The following ZRANB3 variants were observed in gnomAD, a reference collection of about 807,000 sequenced individuals.
ZRANB3 encodes the protein zinc finger RANBP2-type containing 3, also known as DNA annealing helicase and endonuclease ZRANB3.
ZRANB3 carries 125 observed loss-of-function variants against 133.8 expected under a neutral mutation model. The ratio of observed to expected loss-of-function variants is 0.93; its 90% CI spans 0.81 to 1.08. The LOEUF (loss-of-function observed/expected upper bound fraction) is 1.08, where lower values mean the gene tolerates loss of function less well. Among genes scored for constraint, ZRANB3 ranks in the 50% least tolerant of loss-of-function variants. The pLI, the probability that ZRANB3 is intolerant of heterozygous loss-of-function variation, is 0.00. For synonymous variants in ZRANB3, 387 were observed against 432.7 expected (o/e 0.89, Z 1.31); for missense variants, 1,229 against 1,275.5 (o/e 0.96, Z 0.56).
intron 1 of ZRANB3, 114 bp from the exon 2 acceptor site, chr2:135,504,610 C>A: frequency 1.1e-6 from 1 of 944,280 alleles, no homozygotes; most frequent in South Asian, 2.1e-5. Context: ...CTTTGACATA[C>A]CATTTATATA....
chr2:135,258,451 C>G (rs906485220), intron 12 of ZRANB3, among the ~76,000 whole-genome samples: 1 of 152,126 alleles, frequency 6.6e-6, no homozygotes, highest in African/African-American at 2.4e-5. Flanking sequence ...ATCTGTGAAG[C>G]GCAAAGCCTG....
At chr2:135,513,948 ATG>A in intron 1 of ZRANB3, among the ~76,000 whole-genome samples, 1 of 152,056 alleles carries the variant, frequency 6.6e-6, no homozygotes, top group East Asian at 1.9e-4. Flanking sequence ...ATGGTTGTAG[ATG>A]TGTAGTGTTA....
intron 5 of ZRANB3, among the ~76,000 whole-genome samples, chr2:135,348,974 T>C (rs775861646): frequency 1.5e-4 from 23 of 152,288 alleles, no homozygotes; most frequent in Non-Finnish European, 2.9e-4. Flanking sequence ...ACCCCTATTA[T>C]TCATTGACAT....
chr2:135,268,368 T>C (rs1471727663), intron 11 of ZRANB3, among the ~76,000 whole-genome samples: 1 of 152,084 alleles, frequency 6.6e-6, no homozygotes, highest in Non-Finnish European at 1.5e-5. Context: ...GGGTTCACCA[T>C]GTTGGCCAGG....
At chr2:135,325,690 C>T (rs370054402) in intron 6 of ZRANB3, among the ~76,000 whole-genome samples, 4 of 152,126 alleles carry the variant, frequency 2.6e-5, no homozygotes, top group Non-Finnish European at 4.4e-5. Flanking sequence ...CCACCGCACC[C>T]GGCCATGAGG....
intron 18 of ZRANB3, 115 bp from the exon 19 acceptor site, chr2:135,207,951 C>T (rs554694094): frequency 1.7e-5 from 18 of 1,031,074 alleles, no homozygotes; most frequent in Admixed American, 2.9e-5. Context: ...ACACAGATCA[C>T]AGTGTAGAAA....
At chr2:135,314,605 C>T (rs1286927987) in intron 7 of ZRANB3, among the ~76,000 whole-genome samples, 1 of 152,128 alleles carries the variant, frequency 6.6e-6, no homozygotes, top group African/African-American at 2.4e-5. Flanking sequence ...CGTCTTACAA[C>T]ATGGTCACAG....
rs558007855 is a variant in ZRANB3 at position 135,384,821 on chromosome 2, T to C, written c.180+5981A>G. Among the ~76,000 whole-genome samples, 12 of 152,212 alleles carry C rather than the reference T, an allele frequency of 7.9e-5. No individual in the cohort carries two copies. The East Asian group carries it at 2.3e-3, about 29-fold the overall frequency. On this transcript the variant is annotated intron_variant, in intron 3 of 20. Coordinates refer to ENST00000264159, the MANE Select transcript of ZRANB3 (RefSeq NM_032143.4). ...CTTCATGCTAAAAACTCTCAATAAA[T>C]TGGGTATTGATGGGATGTATCTCAA...
chr2:135,230,227 T>C (rs572278756), intron 13 of ZRANB3, among the ~76,000 whole-genome samples: 2 of 152,356 alleles, frequency 1.3e-5, no homozygotes, highest in South Asian at 4.1e-4. Flanking sequence ...CTATTCCTGC[T>C]CACTGAATTC....
intron 15 of ZRANB3, among the ~76,000 whole-genome samples, chr2:135,219,611 T>C (rs1008664963): frequency 1.3e-5 from 2 of 152,218 alleles, no homozygotes; most frequent in African/African-American, 4.8e-5. Flanking sequence ...TCACTGACAA[T>C]ACAAGTATCA....
chr2:135,310,680 AT>A (rs1285424849), intron 8 of ZRANB3, among the ~76,000 whole-genome samples: 1 of 148,580 alleles, frequency 6.7e-6, no homozygotes, highest in Non-Finnish European at 1.5e-5. Context: ...TTATATATAT[AT>A]TTTTCATATG....
intron 11 of ZRANB3, among the ~76,000 whole-genome samples, chr2:135,266,458 T>C (rs1336356230): frequency 1.3e-5 from 2 of 151,728 alleles, no homozygotes; most frequent in African/African-American, 4.8e-5. Context: ...AACTAAGGAG[T>C]CTGGCACCTT....
chr2:135,230,736 T>A lies in ZRANB3; in HGVS notation c.1731A>T (p.Arg577Ser). 1 of 1,613,540 alleles carries A rather than the reference T, an allele frequency of 6.2e-7. No individual in the cohort carries two copies. Among genetic ancestry groups the A allele is most frequent in the Non-Finnish European group, 8.5e-7 (1 of 1,179,756 alleles). ...GGTCTTCCGAGGCAGCCAATTTCAA[T>A]CTTTTCGTTTCAGGTTCAACATCAC... ...YESDVEPETK[R>S]LKLAASEDHC... Residue 577 changes from arginine to serine, a missense_variant, in exon 13 of 21, where the codon AGA becomes AGT. By Grantham distance (110) the Arg-to-Ser change is moderately radical. Transcript: ENST00000264159.
In ZRANB3 at chr2:135,499,327, C is replaced by A. The variant is rs115585741; in HGVS notation, c.161+5002G>T. Reference sequence around the variant, plus strand: ...AGAAGTGCCAGCCATAGAATGAATGCGGATAAAGATTATGTAAGATGACAT... The same window carrying A: ...AGAAGTGCCAGCCATAGAATGAATGAGGATAAAGATTATGTAAGATGACAT... On this transcript the variant is annotated intron_variant, in intron 2 of 20. Coordinates refer to ENST00000264159, the MANE Select transcript of ZRANB3 (RefSeq NM_032143.4). Among the ~76,000 whole-genome samples the A allele has an allele frequency of 3.9e-5, 6 of 152,142 alleles. No individual in the cohort carries two copies. The South Asian group carries it at 1.2e-3, about 32-fold the overall frequency.
intron 2 of ZRANB3, among the ~76,000 whole-genome samples, chr2:135,425,836 C>A (rs1341247308): frequency 6.6e-6 from 1 of 151,002 alleles, no homozygotes; most frequent in Non-Finnish European, 1.5e-5. Flanking sequence ...CAAGAAATAA[C>A]CAAAGTCAGA....
chr2:135,234,068 G>A (rs375673961), intron 12 of ZRANB3, among the ~76,000 whole-genome samples: 17 of 152,106 alleles, frequency 1.1e-4, no homozygotes, highest in South Asian at 4.2e-4. Context: ...GCAGAGACAC[G>A]CATAGGCTCA....
At chr2:135,356,625 C>T (rs2104880787) in intron 3 of ZRANB3, among the ~76,000 whole-genome samples, 1 of 152,270 alleles carries the variant, frequency 6.6e-6, no homozygotes, top group Non-Finnish European at 1.5e-5. Context: ...CTAGAATTAA[C>T]TCCAGATGTT....
intron 1 of ZRANB3, among the ~76,000 whole-genome samples, chr2:135,528,077 TAGAC>T (rs1280646720): frequency 1.3e-5 from 2 of 151,980 alleles, no homozygotes; most frequent in Non-Finnish European, 2.9e-5. Context: ...GTTCAGGAAT[TAGAC>T]AGGCCTGGAT....
intron 2 of ZRANB3, among the ~76,000 whole-genome samples, chr2:135,406,426 T>C (rs1361976940): frequency 6.6e-6 from 1 of 152,196 alleles, no homozygotes; most frequent in Non-Finnish European, 1.5e-5. Flanking sequence ...CTTCTGAAAC[T>C]ATTCCATCAA....
Sources: allele counts gnomAD v4.1 joint callset (sites outside exome capture counted in the v4.1 genomes callset), GRCh38; gene constraint gnomAD v4.1.1; transcripts MANE v1.5; gene names NCBI Gene and HGNC (gene_info 2026-07-23, HGNC 2026-07-21).